Variants in MMP1 observed in about 807,000 individuals in gnomAD.
MMP1 encodes the protein interstitial collagenase.
In MMP1, 51 loss-of-function variants were observed where a neutral mutation model predicts 49.6. The observed-to-expected ratio is 1.03, with a 90% CI of 0.82 to 1.30. The LOEUF is 1.30. Ranked by LOEUF, MMP1 falls within the 50% of genes most tolerant of loss-of-function variation. The pLI is 0.00. For missense variants in MMP1, 623 were observed against 568.7 expected, an observed-to-expected ratio of 1.10 and a Z score of -0.97; for synonymous variants, 230 against 196.8, an observed-to-expected ratio of 1.17 and a Z score of -1.41.
chr11:102,790,888 G>A, intron 8 of MMP1, 82 bp from the exon 9 acceptor site: 2 of 793,848 alleles, frequency 2.5e-6, no homozygotes, highest in Non-Finnish European at 4.4e-6. Flanking sequence ...TACACAATGA[G>A]GAATTTAACC....
At chr11:102,791,761 C>T (rs1858038422) in intron 7 of MMP1, among the ~76,000 whole-genome samples, 1 of 152,196 alleles carries the variant, frequency 6.6e-6, no homozygotes. Flanking sequence ...CTTCTTTCCA[C>T]AGTCAGATGT....
chr11:102,797,032 T>A lies in MMP1; in HGVS notation c.481A>T (p.Ile161Leu), dbSNP rs774067822. The A allele has an allele frequency of 5.0e-6, 8 of 1,613,856 alleles. No individual in the cohort carries two copies. The highest frequency in any genetic ancestry group is 6.8e-6 in the Non-Finnish European group (8 of 1,179,838). Residue 161 changes from isoleucine (I) to leucine (L), a missense_variant, in exon 3 of 10, where the codon ATA becomes TTA. Physicochemically the swap from Ile to Leu is conservative, Grantham distance 5. Transcript: ENST00000315274. ...AACTTACCTCCCCTGACAAAAGATA[T>A]CATGATGTCTGCTTGACCCTCAGAG... is the stretch of plus-strand genomic sequence containing the variant. ...KVSEGQADIM[I>L]SFVRGDHRDN...
In MMP1 at chr11:102,797,460, C is replaced by A; in HGVS notation, c.146G>T (p.Arg49Met). 6.2e-7 allele frequency: 1 copy of A among 1,614,194 alleles called. No individual in the cohort carries two copies. The highest frequency in any genetic ancestry group is 8.5e-7 in the Non-Finnish European group (1 of 1,180,026). ...EKYYNLKNDG[R>M]QVEKRRNSGP... is the part of the protein sequence containing the mutation. ...ACTATTTCTCCGCTTTTCAACTTGC[C>A]TCCCATCATTCTTCAGGTTGTAGTA... The change falls in exon 2 of 10, where the codon AGG becomes ATG. Residue 49 changes from arginine to methionine, a missense_variant. By Grantham distance (91) the Arg-to-Met change is moderately conservative (BLOSUM62 -1). Transcript: ENST00000315274.
intron 7 of MMP1, among the ~76,000 whole-genome samples, chr11:102,792,064 A>T (rs1412825542): frequency 6.6e-6 from 1 of 152,170 alleles, no homozygotes; most frequent in Admixed American, 6.5e-5. Flanking sequence ...GTTACTGTAC[A>T]CACGTGCTAT....
chr11:102,796,593 TA>T, intron 4 of MMP1, 70 bp downstream of exon 4: 2 of 1,530,050 alleles, frequency 1.3e-6, no homozygotes, highest in African/African-American at 1.4e-5. Context: ...TTCTTTCAAC[TA>T]AATCAACCAA....
rs781292343 is a variant in MMP1 at position 102,795,156 on chromosome 11, G to C, written c.899+18C>G. ...TATTATTACAAATGCAGATCACAAA[G>C]AAGAACTGACATCTTACCTGTCTTT... On this transcript the variant is annotated intron_variant, in intron 6 of 9. Coordinates refer to ENST00000315274, the MANE Select transcript of MMP1 (RefSeq NM_002421.4). 6.4e-7 allele frequency: 1 copy of C among 1,551,280 alleles called. No homozygotes were observed. The highest frequency in any genetic ancestry group is 1.1e-5 in the South Asian group (1 of 89,730).
At position 102,791,398 on chromosome 11, in the gene MMP1, G is replaced by A. The variant is rs771828231; in HGVS notation, c.1131C>T (p.Ile377=). 8 of 1,613,900 alleles carry A rather than the reference G, an allele frequency of 5.0e-6. No homozygotes were observed. Among genetic ancestry groups the A allele is most frequent in the African/African-American group, 4.0e-5 (3 of 74,918 alleles). The part of the protein sequence containing the change: ...SFGFPRTVKH[I]DAALSEENTG... ...TGTTTTCCTCAGAAAGAGCAGCATC[G>A]ATATGCTTCACAGTTCTAGGGAAGC... The change falls in exon 8 of 10, where the codon ATC becomes ATT. Residue 377 remains isoleucine, a synonymous_variant. Coordinates refer to ENST00000315274, the MANE Select transcript of MMP1 (RefSeq NM_002421.4).
At position 102,790,383 on chromosome 11, in the gene MMP1, C is replaced by T; in HGVS notation, c.*29G>A. ...GAAAACACCTTCTTTGGACTCACAC[C>T]ATGTGTTTTCCATTCAAATTAGTAA... On this transcript the variant is annotated 3_prime_UTR_variant, in exon 10 of 10. Transcript: ENST00000315274. 2 of 1,349,100 alleles carry T rather than the reference C, an allele frequency of 1.5e-6. No homozygotes were observed. The highest frequency in any genetic ancestry group is 2.1e-6 in the Non-Finnish European group (2 of 951,298). 83.6% of individuals were successfully genotyped at this position (1,349,100 alleles called of 1,614,324 possible).
rs1375686332 is a variant in MMP1, at chr11:102,795,532, G to T, written c.701C>A (p.Ala234Asp). 3.1e-6 allele frequency: 5 copies of T among 1,614,018 alleles called. No individual in the cohort carries two copies. The highest frequency in any genetic ancestry group is 4.2e-6 in the Non-Finnish European group (5 of 1,179,990). ...GAAGGTGTAGCTAGGGTACATCAAAGCCCCGATATCAGTAGAATGGGAGAG... is the reference window on the plus strand; with the variant it reads ...GAAGGTGTAGCTAGGGTACATCAAATCCCCGATATCAGTAGAATGGGAGAG... Reference protein sequence around the residue: ...LGLSHSTDIGALMYPSYTFSG... With the variant: ...LGLSHSTDIGDLMYPSYTFSG... Residue 234 changes from alanine (A) to aspartate (D), a missense_variant, in exon 5 of 10, where the codon GCT (alanine) becomes GAT (aspartate). Coordinates refer to ENST00000315274, the MANE Select transcript of MMP1 (RefSeq NM_002421.4).
chr11:102,795,045 G>A (rs1441117420), intron 6 of MMP1, 129 bp downstream of exon 6: 1 of 803,688 alleles, frequency 1.2e-6, no homozygotes, highest in East Asian at 2.5e-5. Flanking sequence ...AATGCATGTG[G>A]TTGCTACCAT....
At position 102,798,003 on chromosome 11, in the gene MMP1, A is replaced by G. The variant is rs1331749715; in HGVS notation, c.90T>C (p.Asp30=). The change falls in exon 1 of 10, where the codon GAT becomes GAC. Residue 30 remains aspartate (D), a synonymous_variant. Coordinates refer to ENST00000315274, the MANE Select transcript of MMP1 (RefSeq NM_002421.4). ...CAGCATTTACCTGGACTAAGTCCAC[A>G]TCTTGCTCTTGTGTTTCTAGAGTCG... The part of the protein sequence containing the change: ...FPATLETQEQ[D]VDLVQKYLEK... 1.2e-5 allele frequency: 20 copies of G among 1,613,032 alleles called. No individual in the cohort carries two copies. Among genetic ancestry groups the G allele is most frequent in the Non-Finnish European group, 1.7e-5 (20 of 1,179,364 alleles).
chr11:102,795,052 C>T (rs1858141818), intron 6 of MMP1, 122 bp downstream of exon 6: 1 of 847,202 alleles, frequency 1.2e-6, no homozygotes, highest in Admixed American at 1.9e-5. Context: ...GTGGTTGCTA[C>T]CATGTGATTA....
chr11:102,795,533 C>T lies in MMP1; in HGVS notation c.700G>A (p.Ala234Thr). ...AAGGTGTAGCTAGGGTACATCAAAG[C>T]CCCGATATCAGTAGAATGGGAGAGT... The part of the protein sequence containing the change: ...LGLSHSTDIG[A>T]LMYPSYTFSG... Residue 234 changes from alanine to threonine, a missense_variant, in exon 5 of 10, where the codon GCT (alanine) becomes ACT (threonine). Ala to Thr is a moderately conservative substitution (Grantham distance 58, BLOSUM62 0). Transcript: ENST00000315274. 6.2e-7 allele frequency: 1 copy of T among 1,614,040 alleles called. No homozygotes were observed. Among genetic ancestry groups the T allele is most frequent in the Non-Finnish European group, 8.5e-7 (1 of 1,179,992 alleles).
At position 102,791,364 on chromosome 11, in the gene MMP1, T is replaced by C; in HGVS notation, c.1165A>G (p.Thr389Ala). ...TATTTGTTAGCAACAAAGAAGTAGG[T>C]TTTTCCAGTGTTTTCCTCAGAAAGA... is the stretch of plus-strand genomic sequence containing the variant. ...AALSEENTGK[T>A]YFFVANKYWR... The change falls in exon 8 of 10, where the codon ACC (threonine) becomes GCC (alanine). Residue 389 changes from threonine (T) to alanine (A), a missense_variant. By Grantham distance (58) the Thr-to-Ala change is moderately conservative. Coordinates refer to ENST00000315274, the MANE Select transcript of MMP1 (RefSeq NM_002421.4). 1 of 1,613,904 alleles carries C rather than the reference T, an allele frequency of 6.2e-7. No homozygotes were observed. Among genetic ancestry groups the C allele is most frequent in the Non-Finnish European group, 8.5e-7 (1 of 1,179,848 alleles).
In MMP1 at chr11:102,795,623, A is replaced by C; in HGVS notation, c.626-16T>G. 1 of 1,592,934 alleles carries C rather than the reference A, an allele frequency of 6.3e-7. No homozygotes were observed. Among genetic ancestry groups the C allele is most frequent in the Non-Finnish European group, 8.5e-7 (1 of 1,171,374 alleles). ...AAGTTGTACTCTAAAAAGGCCAATAAATCAATTTGTAATTATTTGAAAGGT... is the reference window on the plus strand; with the variant it reads ...AAGTTGTACTCTAAAAAGGCCAATACATCAATTTGTAATTATTTGAAAGGT... On this transcript the variant is annotated splice_polypyrimidine_tract_variant and intron_variant, in intron 4 of 9. Transcript: ENST00000315274.
In MMP1 at chr11:102,794,555, A is replaced by G. The variant is rs966082714; in HGVS notation, c.899+619T>C. Among the ~76,000 whole-genome samples the G allele has an allele frequency of 6.6e-5, 10 of 152,278 alleles. No homozygotes were observed. The highest frequency in any genetic ancestry group is 2.2e-4 in the African/African-American group (9 of 41,556). On this transcript the variant is annotated intron_variant, in intron 6 of 9. Transcript: ENST00000315274. This position sits in a 1 kb window ranked among gnomAD's most constrained non-coding sequence, Gnocchi z 4.3. ...GAAGCACCATGTTGTGGCTGCCCCTATCTGTCCCAGGAGGGATTTCATCAG... is the reference window on the plus strand; with the variant it reads ...GAAGCACCATGTTGTGGCTGCCCCTGTCTGTCCCAGGAGGGATTTCATCAG...
chr11:102,792,391 G>A (rs375254553), intron 7 of MMP1, among the ~76,000 whole-genome samples: 3 of 152,172 alleles, frequency 2.0e-5, no homozygotes. Context: ...AGGCCAGAAC[G>A]TTCTATCTCC....
In MMP1 at chr11:102,796,809, A is replaced by C. The variant is rs746033905; in HGVS notation, c.500-20T>G. 1 of 1,610,164 alleles carries C rather than the reference A, an allele frequency of 6.2e-7. No individual in the cohort carries two copies. Among genetic ancestry groups the C allele is most frequent in the South Asian group, 1.1e-5 (1 of 89,798 alleles). On this transcript the variant is annotated intron_variant, in intron 3 of 9. Coordinates refer to ENST00000315274, the MANE Select transcript of MMP1 (RefSeq NM_002421.4). Reference sequence around the variant, plus strand: ...GATGATCTGAAAGAAACAATTCAACAAAGATTCCTTGTGGTTCTTATGTAA... The same window carrying C: ...GATGATCTGAAAGAAACAATTCAACCAAGATTCCTTGTGGTTCTTATGTAA...
At position 102,795,545 on chromosome 11, in the gene MMP1, T is replaced by C. The variant is rs1858163450; in HGVS notation, c.688A>G (p.Thr230Ala). Residue 230 changes from threonine (T) to alanine (A), a missense_variant, in exon 5 of 10, where the codon ACT becomes GCT. Physicochemically the swap from Thr to Ala is moderately conservative, Grantham distance 58. Transcript: ENST00000315274. ...GGGTACATCAAAGCCCCGATATCAG[T>C]AGAATGGGAGAGTCCAAGAGAATGG... The part of the protein sequence containing the change: ...LGHSLGLSHS[T>A]DIGALMYPSY... 1.2e-6 allele frequency: 2 copies of C among 1,613,930 alleles called. No homozygotes were observed. Among genetic ancestry groups the C allele is most frequent in the Non-Finnish European group, 1.7e-6 (2 of 1,179,976 alleles).
Sources: gnomAD v4.1 joint callset for allele counts (sites outside exome capture counted in the v4.1 genomes callset) on GRCh38, gnomAD v4.1.1 for gene constraint, Gnocchi (gnomAD v3.1) non-coding constraint, MANE v1.5 for transcripts, NCBI Gene and HGNC (gene_info 2026-07-23, HGNC 2026-07-21) for gene names.